The following ARHGAP26 variants were observed in gnomAD, a reference collection of about 807,000 sequenced individuals.
ARHGAP26 encodes Rho GTPase activating protein 26.
In ARHGAP26, 38 loss-of-function variants were observed where a neutral mutation model predicts 104.8. The ratio of observed to expected loss-of-function variants is 0.36; its 90% CI spans 0.28 to 0.48. ARHGAP26 has a LOEUF of 0.48. Ranked by LOEUF, ARHGAP26 falls within the 20% of genes least tolerant of loss-of-function variation. The pLI is 0.99. For synonymous variants in ARHGAP26, 341 were observed against 340.0 expected (o/e 1.00, Z -0.03); for missense variants, 704 against 947.9 (o/e 0.74, Z 3.38).
Position 142,770,598 on chromosome 5 carries a change from C to G in ARHGAP26, c.-164C>G, listed in dbSNP as rs1754990651. On this transcript the variant is annotated 5_prime_UTR_variant, in exon 1 of 23. Transcript: ENST00000645722. ...CCGGGTCCGAGCTCGGTTCGGGAGTCTTGCGCGCCGGCGGACACCGCGCGC... is the reference window on the plus strand; with the variant it reads ...CCGGGTCCGAGCTCGGTTCGGGAGTGTTGCGCGCCGGCGGACACCGCGCGC... 2.7e-6 allele frequency: 1 copy of G among 368,030 alleles called. No homozygotes were observed. The highest frequency in any genetic ancestry group is 1.1e-4 in the South Asian group (1 of 8,814). The allele number at this position is 368,030 out of a possible 1,614,324, so 22.8% of individuals were successfully genotyped here.
intron 10 of ARHGAP26, among the ~76,000 whole-genome samples, chr5:142,929,932 G>A (rs1764468822): frequency 6.6e-6 from 1 of 152,198 alleles, no homozygotes; most frequent in Admixed American, 6.5e-5. Flanking sequence ...GAACAGGAAG[G>A]AAAAGAGTAG....
chr5:143,081,118 A>G (rs1182969552), intron 17 of ARHGAP26, among the ~76,000 whole-genome samples: 2 of 152,072 alleles, frequency 1.3e-5, no homozygotes, highest in Non-Finnish European at 2.9e-5. Flanking sequence ...GTGTTGGGGT[A>G]AAGACACCAA....
At chr5:142,800,332 C>G (rs931084814) in intron 1 of ARHGAP26, among the ~76,000 whole-genome samples, 4 of 151,862 alleles carry the variant, frequency 2.6e-5, no homozygotes, top group African/African-American at 7.3e-5. Context: ...CTCTCTCTCT[C>G]AAACTGCCAT....
chr5:143,046,085 G>A (rs1784195062), intron 14 of ARHGAP26, among the ~76,000 whole-genome samples: 1 of 152,068 alleles, frequency 6.6e-6, no homozygotes, highest in Admixed American at 6.5e-5. Flanking sequence ...AGTGAGCCAG[G>A]ACTGCGTCAT....
chr5:142,845,814 G>A (rs1379155236), intron 1 of ARHGAP26, among the ~76,000 whole-genome samples: 3 of 152,058 alleles, frequency 2.0e-5, no homozygotes, highest in Non-Finnish European at 4.4e-5. Flanking sequence ...GATAGACTAA[G>A]CTCTGAGTCC....
intron 1 of ARHGAP26, among the ~76,000 whole-genome samples, chr5:142,850,422 C>T (rs941339407): frequency 1.3e-5 from 2 of 152,094 alleles, no homozygotes; most frequent in African/African-American, 4.8e-5. Context: ...TTCTTGCAAC[C>T]AGCATTAAAA....
At position 143,056,031 on chromosome 5, in the gene ARHGAP26, G is replaced by A. The variant is rs1471761284; in HGVS notation, c.1377G>A (p.Met459Ile). 1 of 1,611,774 alleles carries A rather than the reference G, an allele frequency of 6.2e-7. No individual in the cohort carries two copies. The highest frequency in any genetic ancestry group is 8.5e-7 in the Non-Finnish European group (1 of 1,178,774). ...ITSALKTYLR[M>I]LPGPLMMYQF... is the part of the protein sequence containing the mutation. ...AGCCTATCTCCTTTTCCTCCAGAAT[G>A]CTTCCAGGACCACTCATGATGTACC... Residue 459 changes from methionine (M) to isoleucine (I), a missense_variant, in exon 16 of 23, where the codon ATG (methionine) becomes ATA (isoleucine). Around this residue, in one of 6 missense-constraint regions of ARHGAP26, gnomAD observed 287 missense variants for 438.8 expected, o/e 0.65. Transcript: ENST00000645722.
rs1760401499 is a variant in ARHGAP26 at position 142,901,923 on chromosome 5, C to T, written c.598-12C>T. ...TGGTTATGTGACCTTTGCCTTTCTT[C>T]CTTCATTACAGCTGCTGGCCTTCCT... On this transcript the variant is annotated splice_polypyrimidine_tract_variant and intron_variant, in intron 6 of 22. Transcript: ENST00000645722. 1.9e-6 allele frequency: 3 copies of T among 1,611,984 alleles called. No individual in the cohort carries two copies. Among genetic ancestry groups the T allele is most frequent in the Non-Finnish European group, 1.7e-6 (2 of 1,178,396 alleles).
At chr5:143,101,856 CTT>C (rs572646417) in intron 17 of ARHGAP26, among the ~76,000 whole-genome samples, 4 of 138,976 alleles carry the variant, frequency 2.9e-5, no homozygotes, top group African/African-American at 5.3e-5. Flanking sequence ...GACATAAAAG[CTT>C]TTTTTTTTTT....
intron 17 of ARHGAP26, among the ~76,000 whole-genome samples, chr5:143,093,397 T>C (rs796922500): frequency 2.2e-4 from 33 of 152,318 alleles, no homozygotes; most frequent in African/African-American, 7.2e-4. Context: ...ATTGGAGTGT[T>C]ATAGGGTCAG....
At position 142,812,332 on chromosome 5, in the gene ARHGAP26, C is replaced by T. The variant is rs117003583; in HGVS notation, c.154+41417C>T. Among the ~76,000 whole-genome samples the T allele has an allele frequency of 2.7e-4, 41 of 152,096 alleles. No homozygotes were observed. The East Asian group carries it at 6.8e-3, about 25-fold the overall frequency. On this transcript the variant is annotated intron_variant, in intron 1 of 22. Coordinates refer to ENST00000645722, the MANE Select transcript of ARHGAP26 (RefSeq NM_001135608.3). ...GTAGTGGTGCAGTCATGGCTCACTG[C>T]ATCCTTAAACTTCTAGGCTCAAGCA... is the stretch of plus-strand genomic sequence containing the variant.
At chr5:142,904,245 C>A (rs1038876963) in intron 8 of ARHGAP26, among the ~76,000 whole-genome samples, 1 of 151,982 alleles carries the variant, frequency 6.6e-6, no homozygotes, top group Admixed American at 6.6e-5. Context: ...AATCCCAGCA[C>A]TTTTGGAGGC....
intron 1 of ARHGAP26, among the ~76,000 whole-genome samples, chr5:142,812,421 C>T (rs1321027444): frequency 6.6e-6 from 1 of 151,718 alleles, no homozygotes; most frequent in Non-Finnish European, 1.5e-5. Context: ...AGTGCAACCT[C>T]TGCCTCCTTG....
chr5:143,147,098 A>G (rs1412716154), intron 19 of ARHGAP26, 133 bp from the exon 20 acceptor site: 9 of 1,110,414 alleles, frequency 8.1e-6, no homozygotes, highest in Admixed American at 2.6e-5. Flanking sequence ...AACCTTTTCT[A>G]TGTTGTTTCT....
chr5:143,128,118 C>A (rs13155258), intron 18 of ARHGAP26, among the ~76,000 whole-genome samples: 36 of 152,128 alleles, frequency 2.4e-4, no homozygotes, highest in Non-Finnish European at 4.1e-4. Context: ...GGGCTATTTT[C>A]TTTTTTTAGT....
At chr5:142,845,643 A>G (rs1467628468) in intron 1 of ARHGAP26, among the ~76,000 whole-genome samples, 1 of 152,120 alleles carries the variant, frequency 6.6e-6, no homozygotes, top group African/African-American at 2.4e-5. Flanking sequence ...TGTACTGTTT[A>G]TGTACAGACA....
chr5:142,918,788 A>G (rs712166), intron 10 of ARHGAP26, among the ~76,000 whole-genome samples: 77,217 of 152,070 alleles, frequency 0.51, 23,278 homozygotes, highest in East Asian at 0.91. Flanking sequence ...TCCTAACATC[A>G]AAAAGCTAAA....
intron 16 of ARHGAP26, among the ~76,000 whole-genome samples, 166 bp downstream of exon 16, chr5:143,056,252 T>C (rs1785789637): frequency 6.7e-6 from 1 of 149,156 alleles, no homozygotes. Flanking sequence ...AGGAAACAAA[T>C]AGGGATTGCT....
intron 14 of ARHGAP26, among the ~76,000 whole-genome samples, chr5:143,042,940 G>A (rs1199635755): frequency 6.6e-6 from 1 of 151,742 alleles, no homozygotes; most frequent in Non-Finnish European, 1.5e-5. Flanking sequence ...GGTTTTTTTT[G>A]GTTAAGATTT....
Sources: allele counts gnomAD v4.1 joint callset (sites outside exome capture counted in the v4.1 genomes callset), GRCh38; gene constraint gnomAD v4.1.1; regional missense constraint gnomAD v4.1.1; transcripts MANE v1.5; gene names NCBI Gene and HGNC (gene_info 2026-07-23, HGNC 2026-07-21).